The following GLRA3 variants were observed in gnomAD, a reference collection of about 807,000 sequenced individuals.
GLRA3 encodes glycine receptor subunit alpha-3.
Under a neutral mutation model 60.4 loss-of-function variants are expected in GLRA3, and 44 were observed. The observed-to-expected ratio is 0.73, with a 90% CI of 0.57 to 0.94. The LOEUF is 0.94. Ranked by LOEUF, GLRA3 falls within the 40% of genes least tolerant of loss-of-function variation. GLRA3 has a pLI of 0.00. For missense variants in GLRA3, 508 were observed against 564.6 expected (o/e 0.90, Z 1.02); for synonymous variants, 223 against 192.9 (o/e 1.16, Z -1.29).
At position 174,776,061 on chromosome 4, in the gene GLRA3, G is replaced by A. The variant is rs115676627; in HGVS notation, c.200-9031C>T. ...GGATAGGGCCTGGCATCTGTCTTGA[G>A]AGCTTTCTGCTTCCCCTCTGTATTT... On this transcript the variant is annotated intron_variant, in intron 2 of 9. Coordinates refer to ENST00000274093, the MANE Select transcript of GLRA3 (RefSeq NM_006529.4). 3.1e-3 allele frequency among the ~76,000 whole-genome samples: 474 copies of A among 152,268 alleles called. 2 individuals are homozygous for A. The highest frequency in any genetic ancestry group is 0.01 in the African/African-American group (434 of 41,540).
At chr4:174,733,733 A>G (rs1264858431) in intron 3 of GLRA3, among the ~76,000 whole-genome samples, 3 of 152,142 alleles carry the variant, frequency 2.0e-5, no homozygotes, top group African/African-American at 4.8e-5. Context: ...TCATGCTCCT[A>G]CCTTCTGCTT....
chr4:174,738,401 T>A (rs1405532238), intron 3 of GLRA3, among the ~76,000 whole-genome samples: 1 of 152,250 alleles, frequency 6.6e-6, no homozygotes, highest in Non-Finnish European at 1.5e-5. Flanking sequence ...TTTGGGTTTA[T>A]GCATACATAT....
chr4:174,820,690 G>A (rs2111395806), intron 1 of GLRA3, among the ~76,000 whole-genome samples: 1 of 152,188 alleles, frequency 6.6e-6, no homozygotes, highest in East Asian at 1.9e-4. Context: ...AGGACATTTG[G>A]GTAGTCATTT....
chr4:174,742,389 TA>T (rs1192576292), intron 3 of GLRA3, among the ~76,000 whole-genome samples: 2 of 152,178 alleles, frequency 1.3e-5, no homozygotes, highest in Admixed American at 6.5e-5. Flanking sequence ...TATTCTGCAA[TA>T]ACTCTGGTAC....
intron 1 of GLRA3, among the ~76,000 whole-genome samples, chr4:174,819,951 C>T (rs1740672541): frequency 6.6e-6 from 1 of 152,122 alleles, no homozygotes; most frequent in African/African-American, 2.4e-5. Flanking sequence ...ATGATTACAT[C>T]ATACATTGAT....
rs1053041013 is a variant in GLRA3 at position 174,649,848 on chromosome 4, T to G, written c.1117-5784A>C. 2.0e-5 allele frequency among the ~76,000 whole-genome samples: 3 copies of G among 152,002 alleles called. No homozygotes were observed. In the East Asian group the frequency reaches 5.8e-4, roughly 29 times the overall value. On this transcript the variant is annotated intron_variant, in intron 9 of 9. Coordinates refer to ENST00000274093, the MANE Select transcript of GLRA3 (RefSeq NM_006529.4). ...TTAGTCTCATTGGTAAAAAAAAAAG[T>G]CAAACACAGCATGTCTTCATGTGAG...
At chr4:174,661,377 A>G (rs1288074685) in intron 7 of GLRA3, among the ~76,000 whole-genome samples, 1 of 152,174 alleles carries the variant, frequency 6.6e-6, no homozygotes, top group Non-Finnish European at 1.5e-5. Context: ...CATTATCCTC[A>G]ACATGTACTT....
At chr4:174,730,147 G>A (rs1417128081) in intron 3 of GLRA3, among the ~76,000 whole-genome samples, 1 of 152,142 alleles carries the variant, frequency 6.6e-6, no homozygotes, top group East Asian at 1.9e-4. Flanking sequence ...ACGATATTGT[G>A]GAAATCTCAC....
intron 1 of GLRA3, among the ~76,000 whole-genome samples, chr4:174,807,589 C>T (rs1317432150): frequency 6.6e-6 from 1 of 152,040 alleles, no homozygotes; most frequent in Non-Finnish European, 1.5e-5. Context: ...ATTGTCTAGA[C>T]CTATTTTTGT....
chr4:174,723,302 A>G (rs1736199482), intron 4 of GLRA3, among the ~76,000 whole-genome samples: 1 of 152,126 alleles, frequency 6.6e-6, no homozygotes, highest in African/African-American at 2.4e-5. Context: ...GATCTATCCT[A>G]TTTGACAAAT....
chr4:174,805,775 T>C (rs1740023585), intron 1 of GLRA3, among the ~76,000 whole-genome samples: 1 of 152,186 alleles, frequency 6.6e-6, no homozygotes, highest in Non-Finnish European at 1.5e-5. Context: ...AAATTTTCAA[T>C]AAACCATAAC....
chr4:174,798,731 T>C (rs372779005), intron 1 of GLRA3, among the ~76,000 whole-genome samples: 290 of 152,302 alleles, frequency 1.9e-3, no homozygotes, highest in Admixed American at 5.0e-3. Context: ...GAGACCATCC[T>C]GGCTAACACG....
rs768218316 is a variant in GLRA3 at position 174,721,769 on chromosome 4, ATG to A, written c.492-6201_492-6200del. Among the ~76,000 whole-genome samples, 273 of 150,754 alleles carry A rather than the reference ATG, an allele frequency of 1.8e-3. 1 individual carries two copies. The highest frequency in any genetic ancestry group is 0.01 in the Middle Eastern group (3 of 292). On this transcript the variant is annotated intron_variant, in intron 4 of 9. Transcript: ENST00000274093. ...AGGAAAAAAATATGTGTGTATATAT[ATG>A]TGTGTGTGTGTGTATATATACATAT...
chr4:174,759,018 T>C (rs1657907338), intron 3 of GLRA3, among the ~76,000 whole-genome samples: 1 of 152,134 alleles, frequency 6.6e-6, no homozygotes. Flanking sequence ...AGAGAGAACT[T>C]TGAATTTTGA....
chr4:174,739,591 G>A (rs1014267256), intron 3 of GLRA3, among the ~76,000 whole-genome samples: 2 of 152,086 alleles, frequency 1.3e-5, no homozygotes, highest in Non-Finnish European at 2.9e-5. Flanking sequence ...CCCAACCCAA[G>A]GTAGAGAATC....
At chr4:174,691,560 T>A (rs1205081090) in intron 5 of GLRA3, among the ~76,000 whole-genome samples, 1 of 152,120 alleles carries the variant, frequency 6.6e-6, no homozygotes. Context: ...CCTGACTGGT[T>A]TTCGTATTTT....
chr4:174,703,583 A>T (rs1735404497), intron 5 of GLRA3, among the ~76,000 whole-genome samples: 1 of 151,852 alleles, frequency 6.6e-6, no homozygotes, highest in South Asian at 2.1e-4. Flanking sequence ...TTTCCTCTTG[A>T]TCCTTTTTAC....
chr4:174,797,712 G>T (rs1049649910), intron 1 of GLRA3, among the ~76,000 whole-genome samples: 1 of 152,008 alleles, frequency 6.6e-6, no homozygotes, highest in Non-Finnish European at 1.5e-5. Context: ...GTGGGAGGAT[G>T]ACTGAGTCCA....
chr4:174,736,673 G>A (rs1334760465), intron 3 of GLRA3, among the ~76,000 whole-genome samples: 1 of 152,040 alleles, frequency 6.6e-6, no homozygotes, highest in Admixed American at 6.5e-5. Flanking sequence ...AAGTGTGAAG[G>A]GCCTTTTTGA....
Sources: gnomAD v4.1 joint callset for allele counts (sites outside exome capture counted in the v4.1 genomes callset) on GRCh38, gnomAD v4.1.1 for gene constraint, MANE v1.5 for transcripts, NCBI Gene and HGNC (gene_info 2026-07-23, HGNC 2026-07-21) for gene names.